The following PTPRG variants were observed in gnomAD, a reference collection of about 807,000 sequenced individuals.
PTPRG encodes the protein receptor-type tyrosine-protein phosphatase gamma.
Under a neutral mutation model 165.3 loss-of-function variants are expected in PTPRG, and 102 were observed. That is an observed-to-expected ratio of 0.62 (90% CI 0.53 to 0.73). PTPRG has a LOEUF of 0.73. PTPRG is among the 30% of genes least tolerant of loss of function. PTPRG has a pLI of 0.00. For missense variants in PTPRG, 1,866 were observed against 1,861.4 expected, an observed-to-expected ratio of 1.00 and a Z score of -0.05; for synonymous variants, 675 against 669.5, an observed-to-expected ratio of 1.01 and a Z score of -0.13.
chr3:61,809,071 T>G (rs1213090483), intron 2 of PTPRG, among the ~76,000 whole-genome samples: 2 of 150,696 alleles, frequency 1.3e-5, no homozygotes, highest in African/African-American at 4.9e-5. Flanking sequence ...CATAGAGTTA[T>G]CATAAGAATA....
At chr3:61,925,762 C>A in intron 2 of PTPRG, 1 of 375,042 alleles carries the variant, frequency 2.7e-6, no homozygotes, top group Non-Finnish European at 5.3e-6. Context: ...AAAAAATCAT[C>A]ATTGGTCAAA....
At chr3:62,200,181 C>A (rs890957049) in intron 10 of PTPRG, among the ~76,000 whole-genome samples, 16 of 152,142 alleles carry the variant, frequency 1.1e-4, no homozygotes, top group African/African-American at 3.6e-4. Flanking sequence ...AATGGTTGTA[C>A]AACTGTGTGA....
intron 1 of PTPRG, chr3:61,742,567 T>C (rs1463351220): frequency 1.3e-6 from 2 of 1,593,730 alleles, no homozygotes; most frequent in Non-Finnish European, 1.7e-6. Context: ...GTGAATGTTA[T>C]ACACAAGCTC....
intron 2 of PTPRG, among the ~76,000 whole-genome samples, chr3:61,891,160 A>G (rs2038203232): frequency 6.6e-6 from 1 of 152,112 alleles, no homozygotes; most frequent in Admixed American, 6.5e-5. Context: ...TCTACTAAAA[A>G]TACAAAATTT....
intron 1 of PTPRG, among the ~76,000 whole-genome samples, chr3:61,592,625 CTCTT>C (rs1343294643): frequency 6.8e-6 from 1 of 146,030 alleles, no homozygotes; most frequent in Non-Finnish European, 1.5e-5. Context: ...TCTTTTCTCT[CTCTT>C]TTTCTTTCTT....
intron 14 of PTPRG, among the ~76,000 whole-genome samples, chr3:62,238,239 G>A (rs188128338): frequency 1.7e-4 from 26 of 152,196 alleles, no homozygotes; most frequent in Non-Finnish European, 2.9e-4. Context: ...CACTGAGTTC[G>A]AACTGAGGAG....
At chr3:61,753,939 A>G (rs896303299) in intron 2 of PTPRG, among the ~76,000 whole-genome samples, 2 of 152,092 alleles carry the variant, frequency 1.3e-5, no homozygotes, top group Admixed American at 6.5e-5. Flanking sequence ...CTTGCCACTC[A>G]AAGACTAGAG....
intron 1 of PTPRG, among the ~76,000 whole-genome samples, chr3:61,738,258 TTATA>T (rs1206672812): frequency 3.5e-4 from 3 of 8,656 alleles, no homozygotes; most frequent in Non-Finnish European, 7.9e-4. Context: ...TTGTCCATTT[TTATA>T]TATATATATA....
At chr3:61,926,922 A>G (rs990303367) in intron 2 of PTPRG, among the ~76,000 whole-genome samples, 33 of 147,218 alleles carry the variant, frequency 2.2e-4, no homozygotes, top group African/African-American at 8.1e-4. Context: ...CGGGGGGAAG[A>G]AAAAAAAAAT....
At chr3:62,058,388 C>G (rs1310509093) in intron 4 of PTPRG, among the ~76,000 whole-genome samples, 1 of 151,890 alleles carries the variant, frequency 6.6e-6, no homozygotes, top group East Asian at 1.9e-4. Flanking sequence ...CCAGGGTTGT[C>G]TGAAACGCCT....
intron 1 of PTPRG, among the ~76,000 whole-genome samples, chr3:61,678,648 G>C (rs1417765159): frequency 6.6e-6 from 1 of 152,080 alleles, no homozygotes; most frequent in Non-Finnish European, 1.5e-5. Context: ...TCCCATCCTG[G>C]CTTCCAGGCG....
intron 2 of PTPRG, among the ~76,000 whole-genome samples, chr3:61,988,176 A>T (rs2040806085): frequency 6.6e-6 from 1 of 152,172 alleles, no homozygotes; most frequent in African/African-American, 2.4e-5. Flanking sequence ...CTTTGGGATG[A>T]GGATTAGGGA....
At chr3:62,079,283 A>C (rs1384966722) in intron 5 of PTPRG, among the ~76,000 whole-genome samples, 1 of 152,200 alleles carries the variant, frequency 6.6e-6, no homozygotes, top group Non-Finnish European at 1.5e-5. Context: ...CTCAAATGAG[A>C]GATCAGATGA....
Position 62,240,771 on chromosome 3 carries a change from G to T in PTPRG, c.2376-3036G>T, listed in dbSNP as rs1340722699. 6.6e-6 allele frequency among the ~76,000 whole-genome samples: 1 copy of T among 152,124 alleles called. No homozygotes were observed. Among genetic ancestry groups the T allele is most frequent in the African/African-American group, 2.4e-5 (1 of 41,418 alleles). On this transcript the variant is annotated intron_variant, in intron 14 of 29. Coordinates refer to ENST00000474889, the MANE Select transcript of PTPRG (RefSeq NM_002841.4). The surrounding 1 kb of genome is among the most constrained non-coding windows in gnomAD (Gnocchi z 5.1). ...TGGTCTTCCTCCAGAGTTTTACAGG[G>T]TTAGACCTCCTTAATCAGGCCTCAG...
chr3:62,033,360 C>T (rs1407558257), intron 4 of PTPRG, among the ~76,000 whole-genome samples: 2 of 126,450 alleles, frequency 1.6e-5, no homozygotes, highest in African/African-American at 6.7e-5. Flanking sequence ...GCTCCCTATA[C>T]ATTTTTTTTT....
chr3:61,983,944 A>C (rs934873195), intron 2 of PTPRG, among the ~76,000 whole-genome samples: 5 of 152,148 alleles, frequency 3.3e-5, no homozygotes, highest in African/African-American at 4.8e-5. Flanking sequence ...TTTAAAATTT[A>C]TATGTGTCGA....
intron 5 of PTPRG, among the ~76,000 whole-genome samples, chr3:62,109,402 A>G (rs985097531): frequency 1.3e-5 from 2 of 152,226 alleles, no homozygotes; most frequent in East Asian, 1.9e-4. Context: ...TTATTGGACT[A>G]TATATCTGTT....
intron 5 of PTPRG, among the ~76,000 whole-genome samples, chr3:62,112,951 C>T (rs1463026570): frequency 6.6e-6 from 1 of 152,152 alleles, no homozygotes; most frequent in African/African-American, 2.4e-5. Context: ...GTCTCTTTCA[C>T]CTTTCGGAGC....
chr3:62,280,203 TACTC>T (rs1268603082), intron 26 of PTPRG, among the ~76,000 whole-genome samples: 5 of 152,008 alleles, frequency 3.3e-5, no homozygotes, highest in African/African-American at 7.2e-5. Context: ...CCAACCTACT[TACTC>T]ACACACAATC....
Sources: allele counts gnomAD v4.1 joint callset (sites outside exome capture counted in the v4.1 genomes callset), GRCh38; gene constraint gnomAD v4.1.1; non-coding constraint Gnocchi (gnomAD v3.1); transcripts MANE v1.5; gene names NCBI Gene and HGNC (gene_info 2026-07-23, HGNC 2026-07-21).